Variants in SCHIP1 observed in about 807,000 individuals in gnomAD.
SCHIP1 encodes the protein schwannomin-interacting protein 1.
A neutral mutation model predicts 29.7 loss-of-function variants in SCHIP1; 8 were observed. That is an observed-to-expected ratio of 0.27 (90% CI 0.16 to 0.49). The LOEUF (loss-of-function observed/expected upper bound fraction) is 0.49. Among genes scored for constraint, SCHIP1 ranks in the 20% least tolerant of loss-of-function variants. The pLI is 0.99. For missense variants in SCHIP1, 193 were observed against 294.6 expected (o/e 0.66, Z 2.52); for synonymous variants, 76 against 94.9 (o/e 0.80, Z 1.16).
chr3:159,881,430 C>T (rs1344486227), intron 2 of SCHIP1, among the ~76,000 whole-genome samples: 15 of 152,186 alleles, frequency 9.9e-5, no homozygotes. Flanking sequence ...GGACCAATGG[C>T]TCTCGAGCCA....
the SCHIP1 span, among the ~76,000 whole-genome samples, chr3:159,454,417 A>G: frequency 6.6e-6 from 1 of 152,076 alleles, no homozygotes. Context: ...AAGTCCTGAA[A>G]CCAAATCCTA....
chr3:159,493,631 A>G, the SCHIP1 span, among the ~76,000 whole-genome samples: 1 of 150,832 alleles, frequency 6.6e-6, no homozygotes. Context: ...AAACAGACTT[A>G]GACTCCCACA....
the SCHIP1 span, among the ~76,000 whole-genome samples, chr3:159,693,218 G>A: frequency 2.6e-5 from 4 of 152,034 alleles, no homozygotes; most frequent in Non-Finnish European, 5.9e-5. Context: ...ACTCAGCATT[G>A]AAAAATAGTA....
intron 4 of SCHIP1, chr3:159,888,130 A>T: frequency 1.7e-6 from 1 of 601,008 alleles, no homozygotes; most frequent in Non-Finnish European, 2.9e-6. Context: ...CTGTTGATTG[A>T]TGTCTACTGT....
chr3:159,689,661 T>A, the SCHIP1 span, among the ~76,000 whole-genome samples: 1 of 152,208 alleles, frequency 6.6e-6, no homozygotes, highest in Admixed American at 6.5e-5. Flanking sequence ...AGAGAGGGCA[T>A]CCTTGTCGTG....
chr3:159,603,608 AT>A, the SCHIP1 span, among the ~76,000 whole-genome samples: 2 of 152,146 alleles, frequency 1.3e-5, no homozygotes, highest in Non-Finnish European at 2.9e-5. Flanking sequence ...GGAAGACTAA[AT>A]ATATATTTTG....
chr3:159,737,880 C>T, the SCHIP1 span, among the ~76,000 whole-genome samples: 6 of 152,126 alleles, frequency 3.9e-5, no homozygotes, highest in East Asian at 1.9e-4. Context: ...TGCACGGGTG[C>T]GGGAGTGGAG....
chr3:159,535,844 C>A, the SCHIP1 span, among the ~76,000 whole-genome samples: 6 of 152,074 alleles, frequency 3.9e-5, no homozygotes, highest in Non-Finnish European at 7.4e-5. Flanking sequence ...TGTGTATTCT[C>A]CAACTGTTTA....
At chr3:159,455,680 T>C in the SCHIP1 span, among the ~76,000 whole-genome samples, 1 of 152,224 alleles carries the variant, frequency 6.6e-6, no homozygotes, top group East Asian at 1.9e-4. Context: ...CCAATCCTAA[T>C]GATCAAGGTT....
the SCHIP1 span, among the ~76,000 whole-genome samples, chr3:159,344,446 A>G: frequency 3.3e-5 from 5 of 152,206 alleles, no homozygotes; most frequent in Non-Finnish European, 7.3e-5. Flanking sequence ...CAAAGTTAAT[A>G]TAAACAGCAA....
At chr3:159,839,162 G>A (rs745316007), upstream of SCHIP1, among the ~76,000 whole-genome samples, 7 of 151,568 alleles carry the variant, frequency 4.6e-5, no homozygotes, top group Admixed American at 1.3e-4. Context: ...AGTATTGTCC[G>A]CAAGTCCAGA....
At chr3:159,495,572 A>G in the SCHIP1 span, among the ~76,000 whole-genome samples, 7 of 152,130 alleles carry the variant, frequency 4.6e-5, no homozygotes, top group African/African-American at 1.2e-4. Context: ...ACCTCTTCAA[A>G]GAGAACTACA....
At chr3:159,658,442 G>A in the SCHIP1 span, among the ~76,000 whole-genome samples, 1 of 152,180 alleles carries the variant, frequency 6.6e-6, no homozygotes, top group African/African-American at 2.4e-5. Context: ...GTATTCTTAT[G>A]CATATTAAAG....
At chr3:159,893,125 T>G (rs189000645) in intron 6 of SCHIP1, 1 of 152,164 alleles carries the variant, frequency 6.6e-6, no homozygotes, top group East Asian at 1.9e-4. Context: ...TCTCAATGTG[T>G]AATGCTGGGT....
chr3:159,471,208 A>T, the SCHIP1 span, among the ~76,000 whole-genome samples: 1 of 152,182 alleles, frequency 6.6e-6, no homozygotes, highest in Non-Finnish European at 1.5e-5. Context: ...TAGTCCTACA[A>T]GAGATTTAAA....
At chr3:159,278,818 CA>C in the SCHIP1 span, among the ~76,000 whole-genome samples, 1 of 152,124 alleles carries the variant, frequency 6.6e-6, no homozygotes, top group South Asian at 2.1e-4. Flanking sequence ...AGCTCACAAA[CA>C]GCAGTTTTTT....
the SCHIP1 span, among the ~76,000 whole-genome samples, chr3:159,738,794 ATT>A: frequency 1.1e-4 from 17 of 152,294 alleles, no homozygotes; most frequent in South Asian, 3.5e-3. Flanking sequence ...AACTGTGTGT[ATT>A]TGTGTGCACA....
the SCHIP1 span, chr3:159,386,791 G>C: frequency 6.6e-6 from 1 of 152,398 alleles, no homozygotes. Flanking sequence ...TGGGTCCTGT[G>C]TGTGGAAACT....
At chr3:159,427,618 C>G in the SCHIP1 span, among the ~76,000 whole-genome samples, 1 of 151,640 alleles carries the variant, frequency 6.6e-6, no homozygotes, top group African/African-American at 2.4e-5. Flanking sequence ...GGCCATACTG[C>G]CCAAGGTAAT....
Sources: gnomAD v4.1 joint callset for allele counts (sites outside exome capture counted in the v4.1 genomes callset) on GRCh38, gnomAD v4.1.1 for gene constraint, MANE v1.5 for transcripts, NCBI Gene and HGNC (gene_info 2026-07-23, HGNC 2026-07-21) for gene names.